The following DSCAML1 variants were observed in gnomAD, a reference collection of about 807,000 sequenced individuals.
The protein encoded by DSCAML1 is DS cell adhesion molecule like 1.
DSCAML1 carries 38 observed loss-of-function variants against 200.5 expected under a neutral mutation model. The ratio of observed to expected loss-of-function variants is 0.19; its 90% CI spans 0.15 to 0.25. The LOEUF (loss-of-function observed/expected upper bound fraction) is 0.25, where lower values mean the gene tolerates loss of function less well. Ranked by LOEUF, DSCAML1 falls within the 10% of genes least tolerant of loss-of-function variation. DSCAML1 has a pLI of 1.00. For missense variants in DSCAML1, 2,223 were observed against 2,858.8 expected (o/e 0.78, Z 5.07); for synonymous variants, 1,215 against 1,165.0 (o/e 1.04, Z -0.87).
intron 8 of DSCAML1, among the ~76,000 whole-genome samples, chr11:117,508,820 G>T (rs1415018607): frequency 6.6e-6 from 1 of 152,122 alleles, no homozygotes; most frequent in Non-Finnish European, 1.5e-5. Context: ...CCCGGGCACA[G>T]ACGGCCAGAA....
Position 117,516,714 on chromosome 11 carries a change from C to T in DSCAML1, c.1536G>A (p.Arg512=). 6.2e-7 allele frequency: 1 copy of T among 1,613,698 alleles called. No individual in the cohort carries two copies. Among genetic ancestry groups the T allele is most frequent in the South Asian group, 1.1e-5 (1 of 91,024 alleles). ...CCCGCCCGGCGACTGCTGTGATGTT[C>T]CGCATAGCCCGGATGCTGGGTGGGC... ...VRGPPSIRAM[R]NITAVAGRDT... The change falls in exon 8 of 33, where the codon CGG becomes CGA. Residue 512 remains arginine, a synonymous_variant. Coordinates refer to ENST00000651296, the MANE Select transcript of DSCAML1 (RefSeq NM_020693.4). The surrounding 1 kb of genome is among the most constrained non-coding windows in gnomAD (Gnocchi z 5.7).
At chr11:117,788,342 T>TG (rs1410466918) in intron 1 of DSCAML1, among the ~76,000 whole-genome samples, 5 of 152,178 alleles carry the variant, frequency 3.3e-5, no homozygotes, top group Non-Finnish European at 7.3e-5. Context: ...TTGTTGTTGT[T>TG]TTGAGACGGA....
At chr11:117,566,726 CA>C (rs879442750) in intron 3 of DSCAML1, among the ~76,000 whole-genome samples, 2 of 145,438 alleles carry the variant, frequency 1.4e-5, no homozygotes, top group South Asian at 4.7e-4. Context: ...TATCCCTCCC[CA>C]CTCCCCCTAC....
rs576345919 is a variant in DSCAML1, at chr11:117,639,861, G to A, written c.512-107339C>T. 4.8e-5 allele frequency among the ~76,000 whole-genome samples: 7 copies of A among 145,796 alleles called. No individual in the cohort carries two copies. The East Asian group carries it at 1.1e-3, about 24-fold the overall frequency. On this transcript the variant is annotated intron_variant, in intron 3 of 32. Coordinates refer to ENST00000651296, the MANE Select transcript of DSCAML1 (RefSeq NM_020693.4). ...CCGCTCCCTTCCTGCAAGGCTCACC[G>A]CCCATCTGTTCTTCCTCCCCATGAC...
At chr11:117,710,610 C>G (rs1387455842) in intron 3 of DSCAML1, among the ~76,000 whole-genome samples, 1 of 152,208 alleles carries the variant, frequency 6.6e-6, no homozygotes, top group Non-Finnish European at 1.5e-5. Context: ...CTTAACCGCC[C>G]CGTGACTCAG....
At chr11:117,456,754 A>C in intron 19 of DSCAML1, among the ~76,000 whole-genome samples, 1 of 149,376 alleles carries the variant, frequency 6.7e-6, no homozygotes, top group Non-Finnish European at 1.5e-5. Flanking sequence ...GGCTCACTGC[A>C]ACTTCCACCT....
chr11:117,645,571 TA>T (rs1451807603), intron 3 of DSCAML1, among the ~76,000 whole-genome samples: 1 of 151,992 alleles, frequency 6.6e-6, no homozygotes, highest in Non-Finnish European at 1.5e-5. Context: ...TATGCAGCCA[TA>T]AAAAATGACG....
At chr11:117,565,374 A>G (rs2137424586) in intron 3 of DSCAML1, among the ~76,000 whole-genome samples, 1 of 152,352 alleles carries the variant, frequency 6.6e-6, no homozygotes, top group Non-Finnish European at 1.5e-5. Context: ...GGATTACTGT[A>G]AACTCCAGTG....
rs2052433147 is a variant in DSCAML1, at chr11:117,642,521, T to C, written c.512-109999A>G. On this transcript the variant is annotated intron_variant, in intron 3 of 32. Transcript: ENST00000651296. This position sits in a 1 kb window ranked among gnomAD's most constrained non-coding sequence, Gnocchi z 4.1. ...CCAGCAAAGCCACAAAGGTGGCTGCTGGGAGAGCAGGGGCACCAGGTGCCT... is the reference window on the plus strand; with the variant it reads ...CCAGCAAAGCCACAAAGGTGGCTGCCGGGAGAGCAGGGGCACCAGGTGCCT... 6.6e-6 allele frequency among the ~76,000 whole-genome samples: 1 copy of C among 152,202 alleles called. No homozygotes were observed. Among genetic ancestry groups the C allele is most frequent in the Non-Finnish European group, 1.5e-5 (1 of 68,030 alleles).
intron 11 of DSCAML1, among the ~76,000 whole-genome samples, chr11:117,496,976 G>A (rs1196856333): frequency 6.6e-6 from 1 of 152,184 alleles, no homozygotes; most frequent in Non-Finnish European, 1.5e-5. Flanking sequence ...GGCATTGGGA[G>A]GTCAGTAAGA....
At chr11:117,431,092 T>C in intron 31 of DSCAML1, 59 bp from the exon 32 acceptor site, 1 of 1,494,812 alleles carries the variant, frequency 6.7e-7, no homozygotes, top group Non-Finnish European at 9.1e-7. Flanking sequence ...TGAGACTGAC[T>C]GAGCACTTCC....
At chr11:117,556,738 G>A (rs758838303) in intron 3 of DSCAML1, among the ~76,000 whole-genome samples, 1 of 152,160 alleles carries the variant, frequency 6.6e-6, no homozygotes, top group Admixed American at 6.5e-5. Flanking sequence ...CCATGTCCTT[G>A]GCCTCCCAGT....
chr11:117,696,324 G>A (rs2053586978), intron 3 of DSCAML1, among the ~76,000 whole-genome samples: 1 of 152,214 alleles, frequency 6.6e-6, no homozygotes, highest in Admixed American at 6.5e-5. Flanking sequence ...AGTGGGATGT[G>A]AGCTGGTTTG....
chr11:117,760,624 T>C (rs903344809), intron 3 of DSCAML1, among the ~76,000 whole-genome samples: 3 of 152,278 alleles, frequency 2.0e-5, no homozygotes, highest in African/African-American at 7.2e-5. Flanking sequence ...TATTGGCTTC[T>C]GATTTTTTGC....
At chr11:117,442,415 ATGTGCGTAAATGTATG>A (rs1453329469) in intron 21 of DSCAML1, among the ~76,000 whole-genome samples, 177 of 151,592 alleles carry the variant, frequency 1.2e-3, no homozygotes, top group African/African-American at 2.6e-3. Context: ...TAGTATGTGT[ATGTGCGTAAATGTATG>A]TGTGGGTCTG....
intron 3 of DSCAML1, among the ~76,000 whole-genome samples, chr11:117,629,350 A>G (rs1428294545): frequency 6.6e-6 from 1 of 152,098 alleles, no homozygotes; most frequent in Admixed American, 6.5e-5. Flanking sequence ...GGGACAGGAA[A>G]GCTCCAAGTT....
At chr11:117,572,755 G>A (rs1031044521) in intron 3 of DSCAML1, among the ~76,000 whole-genome samples, 1 of 152,176 alleles carries the variant, frequency 6.6e-6, no homozygotes, top group East Asian at 1.9e-4. Flanking sequence ...TTAGATAAGT[G>A]GTGGTTGATC....
intron 6 of DSCAML1, among the ~76,000 whole-genome samples, chr11:117,519,417 A>G (rs929800062): frequency 9.2e-5 from 14 of 152,218 alleles, no homozygotes; most frequent in African/African-American, 3.4e-4. Flanking sequence ...GGACAAGACA[A>G]TTAACCTCTG....
In DSCAML1 at chr11:117,458,876, C is replaced by T. The variant is rs1382869472; in HGVS notation, c.3446G>A (p.Arg1149Gln). The T allele has an allele frequency of 1.9e-5, 30 of 1,613,932 alleles. No individual in the cohort carries two copies. Among genetic ancestry groups the T allele is most frequent in the Middle Eastern group, 1.6e-4 (1 of 6,084 alleles). ...WGEMQNITTTRERVELRGMEK... is the reference protein window; with the variant it reads ...WGEMQNITTTQERVELRGMEK... ...CATGCCCCGCAGCTCCACCCGCTCC[C>T]GCGTGGTGGTGATGTTCTGCATCTC... Residue 1149 changes from arginine (R) to glutamine (Q), a missense_variant, in exon 19 of 33, where the codon CGG (arginine) becomes CAG (glutamine). Arg to Gln is a conservative substitution (Grantham distance 43, BLOSUM62 1). Coordinates refer to ENST00000651296, the MANE Select transcript of DSCAML1 (RefSeq NM_020693.4).
Sources: gnomAD v4.1 joint callset for allele counts (sites outside exome capture counted in the v4.1 genomes callset) on GRCh38, gnomAD v4.1.1 for gene constraint, Gnocchi (gnomAD v3.1) non-coding constraint, MANE v1.5 for transcripts, NCBI Gene and HGNC (gene_info 2026-07-23, HGNC 2026-07-21) for gene names.